The following PWWP3A variants were observed in gnomAD, a reference collection of about 807,000 sequenced individuals.
PWWP3A encodes the protein PWWP domain-containing DNA repair factor 3A.
PWWP3A carries 53 observed loss-of-function variants against 79.0 expected under a neutral mutation model. The observed-to-expected ratio is 0.67, with a 90% CI of 0.54 to 0.84. The LOEUF (loss-of-function observed/expected upper bound fraction) is 0.84, where lower values mean the gene tolerates loss of function less well. Ranked by LOEUF, PWWP3A falls within the 40% of genes least tolerant of loss-of-function variation. The pLI is 0.00. For synonymous variants in PWWP3A, 443 were observed against 394.4 expected (o/e 1.12, Z -1.46); for missense variants, 973 against 948.0 (o/e 1.03, Z -0.35).
intron 11 of PWWP3A, among the ~76,000 whole-genome samples, chr19:1,370,126 C>T (rs1360862103): frequency 1.3e-5 from 2 of 152,122 alleles, no homozygotes; most frequent in African/African-American, 2.4e-5. Flanking sequence ...CCCAGCTACT[C>T]GGGAGGCAGA....
intron 6 of PWWP3A, among the ~76,000 whole-genome samples, chr19:1,363,792 G>T (rs940977943): frequency 6.6e-6 from 1 of 152,150 alleles, no homozygotes; most frequent in Non-Finnish European, 1.5e-5. Flanking sequence ...TCACCCCAGT[G>T]GGCCTCCCTT....
chr19:1,360,947 C>G lies in PWWP3A; in HGVS notation c.1026C>G (p.Thr342=), dbSNP rs372894484. 8 of 1,496,214 alleles carry G rather than the reference C, an allele frequency of 5.3e-6. No homozygotes were observed. The highest frequency in any genetic ancestry group is 3.9e-5 in the South Asian group (3 of 76,054). The allele number at this position is 1,496,214 out of a possible 1,614,324, so 92.7% of individuals were successfully genotyped here. Residue 342 remains threonine, a synonymous_variant, in exon 5 of 14, where the codon ACC becomes ACG. Coordinates refer to ENST00000591337, the MANE Select transcript of PWWP3A (RefSeq NM_001369789.1). This position sits in a 1 kb window ranked among gnomAD's most constrained non-coding sequence, Gnocchi z 4.4. ...GPRESVTPRS[T]ARLGPPPSHA... Reference sequence around the variant, plus strand: ...GAGAGTCTGTGACCCCGCGCAGCACCGCCAGGCTGGGCCCGCCTCCCTCCC... The same window carrying G: ...GAGAGTCTGTGACCCCGCGCAGCACGGCCAGGCTGGGCCCGCCTCCCTCCC...
In PWWP3A at chr19:1,369,346, T is replaced by TGG; in HGVS notation, c.1498+9_1498+10dup. The TGG allele has an allele frequency of 6.2e-7, 1 of 1,612,612 alleles. No homozygotes were observed. Among genetic ancestry groups the TGG allele is most frequent in the Non-Finnish European group, 8.5e-7 (1 of 1,179,850 alleles). ...CGACTACAGGGTCCGGTTAGGTACG[T>TGG]GGGGTGCTGGGGAGGGGTGGAGCTG... On this transcript the variant is annotated splice_region_variant and intron_variant, in intron 10 of 13. Transcript: ENST00000591337. This position sits in a 1 kb window ranked among gnomAD's most constrained non-coding sequence, Gnocchi z 4.0.
chr19:1,364,558 A>G lies in PWWP3A; in HGVS notation c.1263A>G (p.Lys421=), dbSNP rs2082089778. The change falls in exon 7 of 14, where the codon AAA becomes AAG. Residue 421 remains lysine (K), a synonymous_variant. Transcript: ENST00000591337. ...TGCTAGTCTGGCATAAACATAAAAAATACCCCTTCTGGCCAGCAGTGGTAA... is the reference window on the plus strand; with the variant it reads ...TGCTAGTCTGGCATAAACATAAAAAGTACCCCTTCTGGCCAGCAGTGGTAA... The part of the protein sequence containing the change: ...VGMLVWHKHK[K]YPFWPAVVKS... The G allele has an allele frequency of 1.2e-6, 2 of 1,609,142 alleles. No individual in the cohort carries two copies. Among genetic ancestry groups the G allele is most frequent in the African/African-American group, 2.7e-5 (2 of 74,726 alleles).
At chr19:1,358,533 G>A (rs2081936271) in intron 4 of PWWP3A, 69 bp downstream of exon 4, 2 of 1,604,628 alleles carry the variant, frequency 1.2e-6, no homozygotes, top group Non-Finnish European at 1.7e-6. Flanking sequence ...GAATGTGAAG[G>A]CTCAGCTTTC....
intron 4 of PWWP3A, chr19:1,358,966 C>T (rs1156755511): frequency 5.8e-6 from 2 of 342,740 alleles, no homozygotes; most frequent in Non-Finnish European, 5.8e-6. Flanking sequence ...GTTTGAGGCA[C>T]TGTCATGGGG....
intron 1 of PWWP3A, among the ~76,000 whole-genome samples, chr19:1,355,496 T>G (rs1600090627): frequency 1.5e-5 from 1 of 64,590 alleles, no homozygotes; most frequent in African/African-American, 6.5e-5. Flanking sequence ...CCCCCAACCG[T>G]GAAATCCCCC....
chr19:1,360,805 G>A lies in PWWP3A; in HGVS notation c.884G>A (p.Gly295Glu). ...GAGCCCTCGGCCTGCTCAGAGCCTG[G>A]AGAATGCCCTGCGAAAAAGAGGCCG... ...APEPSACSEP[G>E]ECPAKKRPRL... is the part of the protein sequence containing the mutation. Residue 295 changes from glycine to glutamate, a missense_variant, in exon 5 of 14, where the codon GGA becomes GAA. Coordinates refer to ENST00000591337, the MANE Select transcript of PWWP3A (RefSeq NM_001369789.1). The surrounding 1 kb of genome is among the most constrained non-coding windows in gnomAD (Gnocchi z 4.4). The A allele has an allele frequency of 6.3e-7, 1 of 1,591,954 alleles. No homozygotes were observed. Among genetic ancestry groups the A allele is most frequent in the Non-Finnish European group, 8.5e-7 (1 of 1,170,046 alleles).
At position 1,364,560 on chromosome 19, in the gene PWWP3A, A is replaced by G. The variant is rs763930171; in HGVS notation, c.1265A>G (p.Tyr422Cys). The change falls in exon 7 of 14, where the codon TAC becomes TGC. Residue 422 changes from tyrosine to cysteine, a missense_variant. Transcript: ENST00000591337. ...GMLVWHKHKK[Y>C]PFWPAVVKSV... ...CTAGTCTGGCATAAACATAAAAAAT[A>G]CCCCTTCTGGCCAGCAGTGGTAAGA... 1 of 1,608,568 alleles carries G rather than the reference A, an allele frequency of 6.2e-7. No homozygotes were observed. The highest frequency in any genetic ancestry group is 2.2e-5 in the East Asian group (1 of 44,838).
chr19:1,364,381 A>C, intron 6 of PWWP3A, 128 bp from the exon 7 acceptor site: 1 of 710,984 alleles, frequency 1.4e-6, no homozygotes, highest in South Asian at 1.7e-5. Context: ...TTTTAAGCGA[A>C]TGACACAAAG....
intron 12 of PWWP3A, chr19:1,371,618 A>G (rs1336942151): frequency 1.7e-6 from 1 of 581,526 alleles, no homozygotes; most frequent in Non-Finnish European, 3.1e-6. Context: ...TGAAGTTTGT[A>G]TCTGAAATTT....
intron 8 of PWWP3A, among the ~76,000 whole-genome samples, chr19:1,366,873 C>T (rs1302718666): frequency 6.6e-6 from 1 of 152,254 alleles, no homozygotes; most frequent in Non-Finnish European, 1.5e-5. Context: ...CCGGTGTCAT[C>T]TGGTACTTCT....
At chr19:1,361,404 C>G (rs570887456) in intron 5 of PWWP3A, among the ~76,000 whole-genome samples, 1 of 152,320 alleles carries the variant, frequency 6.6e-6, no homozygotes, top group South Asian at 2.1e-4. Flanking sequence ...TAACGCATTC[C>G]TATTAAATTG....
At chr19:1,375,393 C>G (rs1037740120) in intron 13 of PWWP3A, among the ~76,000 whole-genome samples, 1 of 133,474 alleles carries the variant, frequency 7.5e-6, no homozygotes, top group Non-Finnish European at 1.5e-5. Flanking sequence ...CAACTGCCCT[C>G]TCATATATAT....
chr19:1,369,465 C>T lies in PWWP3A; in HGVS notation c.1498+125C>T, dbSNP rs571593972. On this transcript the variant is annotated intron_variant, in intron 10 of 13. Transcript: ENST00000591337. The surrounding 1 kb of genome is among the most constrained non-coding windows in gnomAD (Gnocchi z 4.0). The stretch of plus-strand genomic sequence containing the variant: ...TATTTCCGTGGGCCTGGGGCATTCC[C>T]TGTGGGTGGGCTGGGGTTCTGGCCT... 1.3e-5 allele frequency: 19 copies of T among 1,485,776 alleles called. No individual in the cohort carries two copies. The highest frequency in any genetic ancestry group is 1.1e-4 in the South Asian group (10 of 88,284). The allele number at this position is 1,485,776 out of a possible 1,614,324, so 92.0% of individuals were successfully genotyped here. A position where few individuals can be genotyped will look rare whatever the true frequency, so the allele number is the denominator to read the frequency against.
rs1297387070 is a variant in PWWP3A at position 1,370,778 on chromosome 19, C to T, written c.1686C>T (p.Asp562=). ...QRQPCRKMLP[D]RSRAARDRAN... Reference sequence around the variant, plus strand: ...AGCCCTGCCGGAAAATGCTCCCCGACCGCTCGCGGGCCGCCCGGGACCGGG... The same window carrying T: ...AGCCCTGCCGGAAAATGCTCCCCGATCGCTCGCGGGCCGCCCGGGACCGGG... The change falls in exon 12 of 14, where the codon GAC becomes GAT. Residue 562 remains aspartate (D), a synonymous_variant. Transcript: ENST00000591337. The T allele has an allele frequency of 3.3e-6, 5 of 1,533,432 alleles. No homozygotes were observed. The highest frequency in any genetic ancestry group is 1.4e-5 in the African/African-American group (1 of 73,056). The allele number at this position is 1,533,432 out of a possible 1,614,324, so 95.0% of individuals were successfully genotyped here. A position where few individuals can be genotyped will look rare whatever the true frequency, so the allele number is the denominator to read the frequency against.
intron 13 of PWWP3A, among the ~76,000 whole-genome samples, chr19:1,375,017 G>A (rs990088192): frequency 1.3e-5 from 2 of 151,100 alleles, no homozygotes; most frequent in Non-Finnish European, 2.9e-5. Flanking sequence ...TCAGGAGTTC[G>A]AGACCATCCT....
intron 12 of PWWP3A, among the ~76,000 whole-genome samples, chr19:1,371,702 C>T (rs576367374): frequency 6.6e-6 from 1 of 151,660 alleles, no homozygotes; most frequent in South Asian, 2.1e-4. Context: ...AACTTTATAA[C>T]TATGGGAATT....
At chr19:1,361,446 A>G (rs1195438754) in intron 5 of PWWP3A, among the ~76,000 whole-genome samples, 1 of 152,256 alleles carries the variant, frequency 6.6e-6, no homozygotes, top group Non-Finnish European at 1.5e-5. Flanking sequence ...TCACTCACTC[A>G]AAAGACTGAC....
Sources: gnomAD v4.1 joint callset for allele counts (sites outside exome capture counted in the v4.1 genomes callset) on GRCh38, gnomAD v4.1.1 for gene constraint, Gnocchi (gnomAD v3.1) non-coding constraint, MANE v1.5 for transcripts, NCBI Gene and HGNC (gene_info 2026-07-23, HGNC 2026-07-21) for gene names.